The following PCDHA2 variants were observed in gnomAD, a reference collection of about 807,000 sequenced individuals.
The protein encoded by PCDHA2 is protocadherin alpha 2.
PCDHA2 carries 58 observed loss-of-function variants against 66.0 expected under a neutral mutation model. The ratio of observed to expected loss-of-function variants is 0.88; its 90% CI spans 0.71 to 1.09. The LOEUF (loss-of-function observed/expected upper bound fraction) is 1.09, where lower values mean the gene tolerates loss of function less well. PCDHA2 is among the 50% of genes least tolerant of loss of function. The probability of loss-of-function intolerance (pLI) is 0.00; values close to 1 mark genes in which losing one functional copy is unlikely to be tolerated. For missense variants in PCDHA2, 1,267 were observed against 1,242.3 expected (o/e 1.02, Z -0.30); for synonymous variants, 634 against 554.0 (o/e 1.14, Z -2.03).
chr5:140,889,329 T>C (rs1554183865), intron 1 of PCDHA2, among the ~76,000 whole-genome samples: 2 of 152,090 alleles, frequency 1.3e-5, no homozygotes, highest in Admixed American at 6.5e-5. Context: ...GTATCAGGAT[T>C]TTGATTGGTG....
At chr5:140,822,300 A>T in intron 1 of PCDHA2, 1 of 1,614,264 alleles carries the variant, frequency 6.2e-7, no homozygotes. Context: ...ATCCAAACGA[A>T]TATTTTGACT....
At chr5:140,812,428 A>G (rs2126638878) in intron 1 of PCDHA2, 1 of 152,080 alleles carries the variant, frequency 6.6e-6, no homozygotes, top group East Asian at 1.9e-4. Context: ...TTTTCAAAAA[A>G]TCAACTAAGT....
At chr5:141,000,412 TATA>T (rs2097919742) in intron 3 of PCDHA2, among the ~76,000 whole-genome samples, 3 of 102,806 alleles carry the variant, frequency 2.9e-5, no homozygotes, top group African/African-American at 7.7e-5. Flanking sequence ...TATATATATA[TATA>T]TATATATTTT....
intron 1 of PCDHA2, chr5:140,926,754 C>T: frequency 1.6e-6 from 2 of 1,283,492 alleles, no homozygotes; most frequent in Non-Finnish European, 2.0e-6. Flanking sequence ...TCGGCGGTCG[C>T]TGAGTATCCA....
Position 140,857,722 on chromosome 5 carries a change from C to G in PCDHA2, c.2388+60370C>G, listed in dbSNP as rs371525843. The G allele has an allele frequency of 7.4e-5, 119 of 1,597,430 alleles. 2 individuals carry two copies. The highest frequency in any genetic ancestry group is 6.2e-4 in the East Asian group (28 of 44,824). The stretch of plus-strand genomic sequence containing the variant: ...TGCAGGTGTTCGTGCTGGACGAGAA[C>G]GACAACGCTCCCGCGCTGCTGGCGT... On this transcript the variant is annotated intron_variant, in intron 1 of 3. Transcript: ENST00000526136.
intron 1 of PCDHA2, among the ~76,000 whole-genome samples, chr5:140,919,778 A>G (rs1252402940): frequency 2.6e-5 from 4 of 152,170 alleles, no homozygotes; most frequent in Non-Finnish European, 5.9e-5. Context: ...TGTTACACAT[A>G]TTACATCTTG....
intron 1 of PCDHA2, chr5:140,823,855 G>T: frequency 6.2e-7 from 1 of 1,613,846 alleles, no homozygotes; most frequent in South Asian, 1.1e-5. Flanking sequence ...TGCCCTGGTG[G>T]ATGTCAACGT....
chr5:140,862,365 G>C, intron 1 of PCDHA2: 1 of 337,898 alleles, frequency 3.0e-6, no homozygotes, highest in South Asian at 2.4e-5. Flanking sequence ...CAGACGACCC[G>C]CACCCTGACT....
At chr5:140,971,434 A>T (rs1243393478) in intron 1 of PCDHA2, among the ~76,000 whole-genome samples, 1 of 152,188 alleles carries the variant, frequency 6.6e-6, no homozygotes, top group Non-Finnish European at 1.5e-5. Flanking sequence ...GAACCCCAAG[A>T]TCTACAGCTC....
intron 1 of PCDHA2, chr5:140,808,966 G>A (rs1554124925): frequency 1.2e-6 from 2 of 1,613,520 alleles, no homozygotes; most frequent in East Asian, 2.2e-5. Context: ...TGGTGGCAAA[G>A]GTGCGCGCGG....
chr5:140,996,136 C>A (rs1484642740), intron 3 of PCDHA2, among the ~76,000 whole-genome samples: 1 of 152,104 alleles, frequency 6.6e-6, no homozygotes, highest in African/African-American at 2.4e-5. Context: ...GAGGGTTCTC[C>A]CATTATCTTG....
At chr5:140,809,474 G>C in intron 1 of PCDHA2, 1 of 1,614,228 alleles carries the variant, frequency 6.2e-7, no homozygotes, top group East Asian at 2.2e-5. Context: ...CTCTGGTGAG[G>C]GCCCACCCAA....
intron 1 of PCDHA2, chr5:140,821,836 G>T: frequency 6.2e-7 from 1 of 1,614,108 alleles, no homozygotes. Context: ...GCTTCTCCTT[G>T]CCTACTGGAA....
intron 1 of PCDHA2, chr5:140,803,994 A>G (rs759370269): frequency 3.7e-6 from 1 of 273,540 alleles, no homozygotes; most frequent in Non-Finnish European, 6.8e-6. Flanking sequence ...ACTACCTGTT[A>G]GTACAAATGT....
intron 1 of PCDHA2, among the ~76,000 whole-genome samples, chr5:140,827,240 A>G (rs1263320018): frequency 3.3e-5 from 5 of 152,204 alleles, no homozygotes; most frequent in African/African-American, 9.6e-5. Context: ...ACAGGGTTGA[A>G]GTTGAGAGAG....
chr5:140,836,387 G>A lies in PCDHA2; in HGVS notation c.2388+39035G>A, dbSNP rs1435398883. The A allele has an allele frequency of 6.2e-6, 10 of 1,613,630 alleles. 1 individual carries two copies. The highest frequency in any genetic ancestry group is 7.6e-6 in the Non-Finnish European group (9 of 1,179,846). On this transcript the variant is annotated intron_variant, in intron 1 of 3. Transcript: ENST00000526136. Reference sequence around the variant, plus strand: ...CAGCCACAGCCACCGTGCTGGTGTCGCTGGTGGAAAGCGGCCAGGCACCAA... The same window carrying A: ...CAGCCACAGCCACCGTGCTGGTGTCACTGGTGGAAAGCGGCCAGGCACCAA...
intron 1 of PCDHA2, among the ~76,000 whole-genome samples, chr5:140,941,438 C>G (rs1408570275): frequency 6.6e-6 from 1 of 150,766 alleles, no homozygotes; most frequent in East Asian, 1.9e-4. Flanking sequence ...GCCTCAGCCT[C>G]GGGAGTAGCT....
chr5:140,927,325 C>T, intron 1 of PCDHA2: 6 of 1,614,234 alleles, frequency 3.7e-6, no homozygotes, highest in South Asian at 1.1e-5. Context: ...CCGCTTTACT[C>T]TCCCGAATGC....
In PCDHA2 at chr5:140,849,693, A is replaced by C. The variant is rs2150445321; in HGVS notation, c.2388+52341A>C. 85 of 1,598,584 alleles carry C rather than the reference A, an allele frequency of 5.3e-5. 3 individuals are homozygous for C. The East Asian group carries it at 1.1e-3, about 21-fold the overall frequency. On this transcript the variant is annotated intron_variant, in intron 1 of 3. Coordinates refer to ENST00000526136, the MANE Select transcript of PCDHA2 (RefSeq NM_018905.3). ...CCACGTCCCCTTCAAGCTGGTGTCC[A>C]CCTACAAGAATTACTACTCGTTGGT...
Sources: gnomAD v4.1 joint callset for allele counts (sites outside exome capture counted in the v4.1 genomes callset) on GRCh38, gnomAD v4.1.1 for gene constraint, MANE v1.5 for transcripts, NCBI Gene and HGNC (gene_info 2026-07-23, HGNC 2026-07-21) for gene names.